The following DOCK8 variants were observed in gnomAD, a reference collection of about 807,000 sequenced individuals.
The protein encoded by DOCK8 is dedicator of cytokinesis 8.
Under a neutral mutation model 245.6 loss-of-function variants are expected in DOCK8, and 141 were observed. That is an observed-to-expected ratio of 0.57 (90% CI 0.50 to 0.66). The LOEUF is 0.66. DOCK8 is among the 30% of genes least tolerant of loss of function. The pLI, the probability that DOCK8 is intolerant of heterozygous loss-of-function variation, is 0.00. For missense variants in DOCK8, 2,965 were observed against 2,603.4 expected, an observed-to-expected ratio of 1.14 and a Z score of -3.02; for synonymous variants, 1,168 against 970.2, an observed-to-expected ratio of 1.20 and a Z score of -3.79.
At chr9:317,872 AT>A (rs2050414027) in intron 7 of DOCK8, among the ~76,000 whole-genome samples, 1 of 152,222 alleles carries the variant, frequency 6.6e-6, no homozygotes, top group African/African-American at 2.4e-5. Flanking sequence ...ACACCATATA[AT>A]TAAAACACGA....
intron 26 of DOCK8, among the ~76,000 whole-genome samples, chr9:402,164 T>C (rs529515679): frequency 2.0e-5 from 3 of 152,374 alleles, no homozygotes; most frequent in South Asian, 2.1e-4. Context: ...AAGGTAGATA[T>C]CTGCCTTCCC....
chr9:292,591 T>C (rs2049094077), intron 4 of DOCK8, among the ~76,000 whole-genome samples: 1 of 151,958 alleles, frequency 6.6e-6, no homozygotes. Flanking sequence ...GCTCTGCTTA[T>C]TCGTGAAATT....
intron 4 of DOCK8, among the ~76,000 whole-genome samples, chr9:302,407 A>G (rs2049593796): frequency 6.6e-6 from 1 of 152,204 alleles, no homozygotes; most frequent in African/African-American, 2.4e-5. Context: ...TAGAGAAAAA[A>G]ACTGGGAAAT....
At chr9:352,874 T>A (rs971920294) in intron 14 of DOCK8, among the ~76,000 whole-genome samples, 5 of 151,310 alleles carry the variant, frequency 3.3e-5, no homozygotes, top group African/African-American at 1.2e-4. Context: ...GTGTAGGGAG[T>A]GGGAACACTT....
chr9:449,281 C>T (rs552513148), intron 44 of DOCK8, among the ~76,000 whole-genome samples: 8 of 152,222 alleles, frequency 5.3e-5, no homozygotes, highest in African/African-American at 7.2e-5. Context: ...ACCCGGGAGG[C>T]GGAGATTGCA....
intron 46 of DOCK8, among the ~76,000 whole-genome samples, chr9:461,758 TCTTTAA>T (rs2057813637): frequency 6.6e-6 from 1 of 151,864 alleles, no homozygotes; most frequent in African/African-American, 2.4e-5. Flanking sequence ...CCCAGTCTAG[TCTTTAA>T]CTTGTGAGCT....
In DOCK8 at chr9:289,599, C is replaced by T; in HGVS notation, c.404+18C>T. On this transcript the variant is annotated intron_variant, in intron 4 of 47. Transcript: ENST00000432829. ...AACCGGAAGTAAGTTACTTTTTTTCCACTTTTTGTATATAAATATTAATTT... is the reference window on the plus strand; with the variant it reads ...AACCGGAAGTAAGTTACTTTTTTTCTACTTTTTGTATATAAATATTAATTT... 2.5e-6 allele frequency: 4 copies of T among 1,599,844 alleles called. No individual in the cohort carries two copies. The highest frequency in any genetic ancestry group is 3.4e-6 in the Non-Finnish European group (4 of 1,170,452).
chr9:307,176 C>T (rs1052071487), intron 5 of DOCK8, among the ~76,000 whole-genome samples: 3 of 151,992 alleles, frequency 2.0e-5, no homozygotes, highest in Non-Finnish European at 2.9e-5. Context: ...GCAGACACAG[C>T]GGAAATATGA....
At position 371,473 on chromosome 9, in the gene DOCK8, G is replaced by A. The variant is rs906430810; in HGVS notation, c.1914G>A (p.Lys638=). ...AAGTGAAAATTAAGCTCCCCGCTAA[G>A]CTCACAGTAAATCACCACCTCCTGT... The part of the protein sequence containing the change: ...YEEVKIKLPA[K]LTVNHHLLFT... Residue 638 remains lysine, a synonymous_variant, in exon 17 of 48, where the codon AAG becomes AAA. Coordinates refer to ENST00000432829, the MANE Select transcript of DOCK8 (RefSeq NM_203447.4). 2 of 1,614,190 alleles carry A rather than the reference G, an allele frequency of 1.2e-6. No individual in the cohort carries two copies. The highest frequency in any genetic ancestry group is 1.7e-6 in the Non-Finnish European group (2 of 1,180,028).
At chr9:278,535 C>T (rs1325198151) in intron 2 of DOCK8, among the ~76,000 whole-genome samples, 4 of 152,086 alleles carry the variant, frequency 2.6e-5, no homozygotes, top group Non-Finnish European at 4.4e-5. Flanking sequence ...TAGAAAATGT[C>T]GATTGTGTCA....
chr9:390,385 T>TG (rs1292540810), intron 23 of DOCK8, 86 bp from the exon 24 acceptor site: 15 of 1,231,704 alleles, frequency 1.2e-5, no homozygotes, highest in African/African-American at 3.0e-5. Context: ...GCTATTAAAT[T>TG]GGGGGGAATA....
chr9:454,840 C>G (rs756176325), intron 46 of DOCK8, among the ~76,000 whole-genome samples: 2 of 152,150 alleles, frequency 1.3e-5, no homozygotes, highest in Non-Finnish European at 2.9e-5. Flanking sequence ...ATGCGTTTCT[C>G]ATTAGCTCCC....
intron 1 of DOCK8, among the ~76,000 whole-genome samples, chr9:233,126 C>G (rs1406189640): frequency 1.3e-5 from 2 of 152,000 alleles, no homozygotes; most frequent in East Asian, 3.8e-4. Context: ...CAAAGAACAT[C>G]TTTATTTCTG....
chr9:233,211 G>A (rs1278527349), intron 1 of DOCK8, among the ~76,000 whole-genome samples: 1 of 152,146 alleles, frequency 6.6e-6, no homozygotes, highest in Non-Finnish European at 1.5e-5. Context: ...GCGGTTTTGA[G>A]TGAGTTTCTT....
chr9:412,042 T>C lies in DOCK8; in HGVS notation c.3531-2740T>C, dbSNP rs528072931. 5.9e-5 allele frequency among the ~76,000 whole-genome samples: 9 copies of C among 152,268 alleles called. No individual in the cohort carries two copies. The East Asian group carries it at 1.7e-3, about 29-fold the overall frequency. On this transcript the variant is annotated intron_variant, in intron 28 of 47. Transcript: ENST00000432829. Reference sequence around the variant, plus strand: ...AGATTAGGAACAAGACAAAAATGTCTACCCTTGCCACTTCTATTCAACATA... The same window carrying C: ...AGATTAGGAACAAGACAAAAATGTCCACCCTTGCCACTTCTATTCAACATA...
chr9:304,797 G>A (rs115781091), intron 5 of DOCK8, 93 bp downstream of exon 5: 67 of 1,568,848 alleles, frequency 4.3e-5, no homozygotes, highest in East Asian at 1.6e-4. Context: ...AACGATAGAC[G>A]CATAGAAAGT....
intron 1 of DOCK8, 88 bp downstream of exon 1, chr9:215,117 A>C: frequency 6.7e-7 from 1 of 1,499,318 alleles, no homozygotes; most frequent in Non-Finnish European, 8.8e-7. Context: ...CCGAGGCCGG[A>C]CGAGTCCATT....
chr9:335,955 C>G (rs1255697389), intron 11 of DOCK8, among the ~76,000 whole-genome samples: 1 of 152,186 alleles, frequency 6.6e-6, no homozygotes, highest in Non-Finnish European at 1.5e-5. Context: ...ATAAAAGCAA[C>G]AAGATCTCCA....
intron 41 of DOCK8, 93 bp from the exon 42 acceptor site, chr9:441,782 T>C (rs1272070186): frequency 1.3e-6 from 2 of 1,526,742 alleles, no homozygotes; most frequent in African/African-American, 2.8e-5. Context: ...GTAAAATGCT[T>C]TGTTAACACA....
Sources: gnomAD v4.1 joint callset for allele counts (sites outside exome capture counted in the v4.1 genomes callset) on GRCh38, gnomAD v4.1.1 for gene constraint, MANE v1.5 for transcripts, NCBI Gene and HGNC (gene_info 2026-07-23, HGNC 2026-07-21) for gene names.